Variants in PEX1 observed in about 807,000 individuals in gnomAD.
PEX1 encodes peroxisomal biogenesis factor 1.
PEX1 carries 97 observed loss-of-function variants against 152.5 expected under a neutral mutation model. That is an observed-to-expected ratio of 0.64 (90% CI 0.54 to 0.75). The LOEUF (loss-of-function observed/expected upper bound fraction) is 0.75. Among genes scored for constraint, PEX1 ranks in the 30% least tolerant of loss-of-function variants. The pLI, the probability that PEX1 is intolerant of heterozygous loss-of-function variation, is 0.00. For missense variants in PEX1, 1,357 were observed against 1,516.3 expected, an observed-to-expected ratio of 0.89 and a Z score of 1.74; for synonymous variants, 485 against 531.6, an observed-to-expected ratio of 0.91 and a Z score of 1.21.
chr7:92,507,154 TA>T (rs771757946), intron 9 of PEX1, 28 bp from the exon 10 acceptor site: 2 of 1,605,892 alleles, frequency 1.2e-6, no homozygotes, highest in Non-Finnish European at 1.7e-6. Flanking sequence ...AGTTACATGA[TA>T]AAAGACTGAA....
chr7:92,501,268 G>A (rs1299667096), intron 15 of PEX1, among the ~76,000 whole-genome samples: 1 of 152,112 alleles, frequency 6.6e-6, no homozygotes, highest in Non-Finnish European at 1.5e-5. Context: ...AGGTTGCAGT[G>A]AGCTGTGAGT....
At chr7:92,490,216 G>T in intron 21 of PEX1, 1 of 352,948 alleles carries the variant, frequency 2.8e-6, no homozygotes, top group Non-Finnish European at 5.2e-6. Flanking sequence ...TTTTCAGAAA[G>T]TAAAGTTATA....
At position 92,518,141 on chromosome 7, in the gene PEX1, C is replaced by T; in HGVS notation, c.472G>A (p.Val158Ile). Residue 158 changes from valine (V) to isoleucine (I), a missense_variant and splice_region_variant, in exon 4 of 24, where the codon GTT (valine) becomes ATT (isoleucine). Val to Ile is a conservative substitution (Grantham distance 29). Coordinates refer to ENST00000248633, the MANE Select transcript of PEX1 (RefSeq NM_000466.3). ...DQQTYIFIQI[V>I]ALIPAASYGR... ...CAGCAAATATTACAATAGCACCTAC[C>T]AATTTGGATAAATATGTACGTTTGT... 2 of 1,607,516 alleles carry T rather than the reference C, an allele frequency of 1.2e-6. No homozygotes were observed. Among genetic ancestry groups the T allele is most frequent in the Non-Finnish European group, 1.7e-6 (2 of 1,174,170 alleles).
At chr7:92,494,141 A>G (rs1791516632) in intron 19 of PEX1, 152 bp downstream of exon 19, 1 of 683,258 alleles carries the variant, frequency 1.5e-6, no homozygotes, top group African/African-American at 1.8e-5. Context: ...CTAATTCAGA[A>G]TCTTTTTATG....
chr7:92,508,326 G>A (rs1372264787), intron 9 of PEX1, among the ~76,000 whole-genome samples: 4 of 152,072 alleles, frequency 2.6e-5, no homozygotes, highest in African/African-American at 9.6e-5. Context: ...TGAGGCAGGC[G>A]GATCACTTGA....
At chr7:92,511,509 G>C in intron 7 of PEX1, 71 bp downstream of exon 7, 1 of 1,170,220 alleles carries the variant, frequency 8.5e-7, no homozygotes, top group Non-Finnish European at 1.3e-6. Context: ...AGGTATGACA[G>C]GTTGCAAGAA....
chr7:92,516,827 G>A (rs578220138), intron 5 of PEX1, among the ~76,000 whole-genome samples: 2 of 152,144 alleles, frequency 1.3e-5, no homozygotes, highest in South Asian at 4.2e-4. Flanking sequence ...GCAGCAGGAA[G>A]GTTACCTCAT....
intron 8 of PEX1, among the ~76,000 whole-genome samples, chr7:92,509,851 A>G (rs1307984393): frequency 1.3e-5 from 2 of 152,206 alleles, no homozygotes; most frequent in African/African-American, 4.8e-5. Context: ...TATTGTAAAA[A>G]GACCACTCTT....
Position 92,516,065 on chromosome 7 carries a change from G to GAGAAGAGAAGAGAAGAGAA in PEX1, c.1239+1210_1239+1211insTTCTCTTCTCTTCTCTTCT, listed in dbSNP as rs1562864924. Among the ~76,000 whole-genome samples, 11 of 60,732 alleles carry GAGAAGAGAAGAGAAGAGAA rather than the reference G, an allele frequency of 1.8e-4. No homozygotes were observed. In the East Asian group the frequency reaches 2.2e-3, roughly 12 times the overall value. 39.8% of individuals were successfully genotyped at this position (60,732 alleles called of 152,430 possible). ...AGAGAAGAGAAGAGAAAAAAGAAAA[G>GAGAAGAGAAGAGAAGAGAA]AAAAGAAAAGAAAAGAAAAGAAAAG... On this transcript the variant is annotated intron_variant, in intron 5 of 23. Transcript: ENST00000248633.
chr7:92,501,256 T>G (rs1462249963), intron 15 of PEX1, among the ~76,000 whole-genome samples: 1 of 152,102 alleles, frequency 6.6e-6, no homozygotes, highest in African/African-American at 2.4e-5. Flanking sequence ...CCCAGGAGTT[T>G]GAGGTTGCAG....
At chr7:92,517,211 A>T in intron 5 of PEX1, 65 bp downstream of exon 5, 1 of 1,188,594 alleles carries the variant, frequency 8.4e-7, no homozygotes, top group Non-Finnish European at 1.3e-6. Context: ...ATACTATTCT[A>T]ATTCATAATT....
At chr7:92,513,344 T>C (rs1407809063) in intron 6 of PEX1, among the ~76,000 whole-genome samples, 2 of 152,140 alleles carry the variant, frequency 1.3e-5, no homozygotes, top group African/African-American at 4.8e-5. Context: ...ACAAATGTGG[T>C]ATATGCAGTC....
intron 16 of PEX1, among the ~76,000 whole-genome samples, chr7:92,497,070 T>C (rs1415436598): frequency 2.0e-5 from 3 of 152,192 alleles, no homozygotes; most frequent in African/African-American, 7.2e-5. Flanking sequence ...AGTCCATCTA[T>C]GACTCACTCC....
intron 8 of PEX1, among the ~76,000 whole-genome samples, chr7:92,510,035 T>C (rs1792382502): frequency 6.6e-6 from 1 of 151,452 alleles, no homozygotes; most frequent in East Asian, 1.9e-4. Context: ...TCCTAGCTAC[T>C]AGGGAAGCTG....
intron 9 of PEX1, chr7:92,507,406 T>C (rs1050988759): frequency 2.3e-5 from 8 of 341,382 alleles, no homozygotes; most frequent in East Asian, 2.1e-4. Flanking sequence ...ACCCAGCTGA[T>C]TGGGTTTTTT....
intron 15 of PEX1, among the ~76,000 whole-genome samples, 185 bp downstream of exon 15, chr7:92,501,322 A>T (rs941925609): frequency 6.6e-6 from 1 of 152,016 alleles, no homozygotes; most frequent in Admixed American, 6.6e-5. Flanking sequence ...ATTCTAATAA[A>T]AAATTAATTA....
At chr7:92,527,963 T>C (rs767901999) in intron 1 of PEX1, among the ~76,000 whole-genome samples, 34 of 152,248 alleles carry the variant, frequency 2.2e-4, no homozygotes, top group Non-Finnish European at 3.8e-4. Flanking sequence ...TAACTGGAAA[T>C]GGCTGGCAAG....
Position 92,501,632 on chromosome 7 carries a change from C to T in PEX1, c.2458G>A (p.Gly820Arg), listed in dbSNP as rs757702435. 4.3e-5 allele frequency: 69 copies of T among 1,613,838 alleles called. No homozygotes were observed. The South Asian group carries it at 6.1e-4, about 14-fold the overall frequency. ...TTLDFQKALRGFLPASLRSVN... is the reference protein window; with the variant it reads ...TTLDFQKALRRFLPASLRSVN... Reference sequence around the variant, plus strand: ...CTTCGCAAAGACGCAGGAAGAAATCCGCGGAGAGCCTTTTGGAAGTCCAAT... The same window carrying T: ...CTTCGCAAAGACGCAGGAAGAAATCTGCGGAGAGCCTTTTGGAAGTCCAAT... Residue 820 changes from glycine (G) to arginine (R), a missense_variant, in exon 15 of 24, where the codon GGA becomes AGA. By Grantham distance (125) the Gly-to-Arg change is moderately radical (BLOSUM62 -2). Coordinates refer to ENST00000248633, the MANE Select transcript of PEX1 (RefSeq NM_000466.3).
chr7:92,518,202 A>T lies in PEX1; in HGVS notation c.411T>A (p.Val137=), dbSNP rs746543403. Reference sequence around the variant, plus strand: ...AAACAGGAAAAATGGCTTTTGGAAAAACTATTCGAATTTGATCTAGAAGAT... The same window carrying T: ...AAACAGGAAAAATGGCTTTTGGAAATACTATTCGAATTTGATCTAGAAGAT... ...EQHLLDQIRI[V]FPKAIFPVWV... The change falls in exon 4 of 24, where the codon GTT becomes GTA. Residue 137 remains valine (V), a synonymous_variant. Transcript: ENST00000248633. The T allele has an allele frequency of 6.2e-7, 1 of 1,613,950 alleles. No homozygotes were observed. The highest frequency in any genetic ancestry group is 8.5e-7 in the Non-Finnish European group (1 of 1,179,828).
Sources: gnomAD v4.1 joint callset for allele counts (sites outside exome capture counted in the v4.1 genomes callset) on GRCh38, gnomAD v4.1.1 for gene constraint, MANE v1.5 for transcripts, NCBI Gene and HGNC (gene_info 2026-07-23, HGNC 2026-07-21) for gene names.